Variants in DDX10 observed in about 807,000 individuals in gnomAD.
DDX10 encodes DEAD-box helicase 10, also known as probable ATP-dependent RNA helicase DDX10.
A neutral mutation model predicts 104.3 loss-of-function variants in DDX10; 74 were observed. That is an observed-to-expected ratio of 0.71 (90% CI 0.59 to 0.86). DDX10 has a LOEUF of 0.86. DDX10 is among the 40% of genes least tolerant of loss of function. The pLI is 0.00. For missense variants in DDX10, 952 were observed against 1,040.0 expected, an observed-to-expected ratio of 0.92 and a Z score of 1.16; for synonymous variants, 351 against 353.4, an observed-to-expected ratio of 0.99 and a Z score of 0.08.
rs1170127997 is a variant in DDX10 at position 108,723,017 on chromosome 11, C to T, written c.1520C>T (p.Ala507Val). Reference protein sequence around the residue: ...EYALSLGLAVAPRVRFLQKMQ... With the variant: ...EYALSLGLAVVPRVRFLQKMQ... Reference sequence around the variant, plus strand: ...TTAAGGTCTCTTGGTCTTGCTGTGGCACCACGCGTAAGATTTCTTCAGAAA... The same window carrying T: ...TTAAGGTCTCTTGGTCTTGCTGTGGTACCACGCGTAAGATTTCTTCAGAAA... Residue 507 changes from alanine (A) to valine (V), a missense_variant, in exon 13 of 18, where the codon GCA (alanine) becomes GTA (valine). Coordinates refer to ENST00000322536, the MANE Select transcript of DDX10 (RefSeq NM_004398.4). 3.1e-6 allele frequency: 5 copies of T among 1,609,014 alleles called. No homozygotes were observed. Among genetic ancestry groups the T allele is most frequent in the Non-Finnish European group, 4.2e-6 (5 of 1,178,234 alleles).
intron 16 of DDX10, among the ~76,000 whole-genome samples, chr11:108,862,720 C>T (rs2134615923): frequency 6.6e-6 from 1 of 152,290 alleles, no homozygotes; most frequent in Middle Eastern, 3.4e-3. Flanking sequence ...TTAACCTCCT[C>T]CCCACCCCAG....
At chr11:108,780,652 A>G (rs2094376959) in intron 13 of DDX10, among the ~76,000 whole-genome samples, 1 of 152,192 alleles carries the variant, frequency 6.6e-6, no homozygotes, top group Non-Finnish European at 1.5e-5. Flanking sequence ...TTTTATAACA[A>G]CACATTGAAA....
chr11:108,937,055 A>T (rs1284408557), intron 17 of DDX10, among the ~76,000 whole-genome samples: 1 of 152,246 alleles, frequency 6.6e-6, no homozygotes, highest in Non-Finnish European at 1.5e-5. Context: ...CTCACTTTTA[A>T]TAGGCAGATT....
chr11:108,925,635 T>G lies in DDX10; in HGVS notation c.2450+7617T>G, dbSNP rs549173513. 3.9e-5 allele frequency among the ~76,000 whole-genome samples: 6 copies of G among 152,352 alleles called. No homozygotes were observed. In the East Asian group the frequency reaches 1.2e-3, roughly 29 times the overall value. ...AACTTTCTATCACTTGGTTACACCA[T>G]AAGTTCCTTGTCTACCTCCCTTTTA... On this transcript the variant is annotated intron_variant, in intron 17 of 17. Transcript: ENST00000322536.
chr11:108,797,136 C>T (rs1229427627), intron 13 of DDX10, among the ~76,000 whole-genome samples: 2 of 152,158 alleles, frequency 1.3e-5, no homozygotes, highest in South Asian at 2.1e-4. Flanking sequence ...TGGGTTGAAG[C>T]AATTCTCCTG....
intron 16 of DDX10, among the ~76,000 whole-genome samples, chr11:108,871,915 C>T (rs1479612753): frequency 4.3e-5 from 5 of 117,632 alleles, no homozygotes; most frequent in African/African-American, 6.1e-5. Context: ...GCCACAAGAG[C>T]GAAATTCTGC....
intron 16 of DDX10, among the ~76,000 whole-genome samples, chr11:108,890,568 TAA>T (rs558893673): frequency 1.9e-4 from 26 of 137,426 alleles, no homozygotes; most frequent in Admixed American, 2.9e-4. Context: ...AAATGCCACT[TAA>T]AAAAAAAAAA....
intron 9 of DDX10, among the ~76,000 whole-genome samples, chr11:108,695,102 A>T (rs1024762855): frequency 3.3e-5 from 5 of 152,158 alleles, no homozygotes; most frequent in Non-Finnish European, 7.3e-5. Flanking sequence ...ACAACCTTAC[A>T]GTTCTTGTTT....
chr11:108,911,551 CTCT>C (rs1197713946), intron 16 of DDX10, among the ~76,000 whole-genome samples: 5 of 117,734 alleles, frequency 4.2e-5, no homozygotes, highest in African/African-American at 1.2e-4. Context: ...GCTTTGCCTC[CTCT>C]TCTTTTTTTT....
chr11:108,765,142 T>A (rs1450206980), intron 13 of DDX10, among the ~76,000 whole-genome samples: 1 of 152,154 alleles, frequency 6.6e-6, no homozygotes, highest in Admixed American at 6.5e-5. Flanking sequence ...GTAACATTAT[T>A]TTGCCAATTC....
intron 13 of DDX10, among the ~76,000 whole-genome samples, chr11:108,755,986 C>T (rs1216775715): frequency 6.6e-6 from 1 of 151,448 alleles, no homozygotes; most frequent in African/African-American, 2.4e-5. Flanking sequence ...TCCCTCTTTC[C>T]CTCTTTCCCT....
intron 13 of DDX10, among the ~76,000 whole-genome samples, chr11:108,806,046 A>G (rs1388002400): frequency 3.3e-5 from 5 of 151,874 alleles, no homozygotes; most frequent in African/African-American, 9.7e-5. Flanking sequence ...ACTGCAACCT[A>G]CGCCTCCTGG....
chr11:108,836,318 T>C (rs1460268668), intron 13 of DDX10, among the ~76,000 whole-genome samples: 2 of 152,234 alleles, frequency 1.3e-5, no homozygotes, highest in African/African-American at 4.8e-5. Flanking sequence ...AATACCCACA[T>C]AGTACAACCA....
At chr11:108,810,062 T>C (rs1862156904) in intron 13 of DDX10, among the ~76,000 whole-genome samples, 1 of 152,220 alleles carries the variant, frequency 6.6e-6, no homozygotes, top group Admixed American at 6.5e-5. Flanking sequence ...TTGAGTGTTC[T>C]TCATGTGGAA....
chr11:108,741,009 A>G (rs368309557), intron 13 of DDX10, among the ~76,000 whole-genome samples: 4 of 152,248 alleles, frequency 2.6e-5, no homozygotes, highest in Admixed American at 1.3e-4. Flanking sequence ...GTCCAGTTCA[A>G]TCTTTTGCAT....
At chr11:108,721,702 T>G (rs1289179904) in intron 12 of DDX10, among the ~76,000 whole-genome samples, 1 of 152,226 alleles carries the variant, frequency 6.6e-6, no homozygotes, top group Non-Finnish European at 1.5e-5. Context: ...TAGAAGCCTT[T>G]GATACCTAAA....
intron 17 of DDX10, among the ~76,000 whole-genome samples, chr11:108,931,670 C>T (rs1355572520): frequency 6.6e-6 from 1 of 152,144 alleles, no homozygotes; most frequent in Non-Finnish European, 1.5e-5. Flanking sequence ...CTGAGTTAAA[C>T]TTGATAGAGA....
At chr11:108,880,284 T>G (rs1472790810) in intron 16 of DDX10, among the ~76,000 whole-genome samples, 1 of 152,140 alleles carries the variant, frequency 6.6e-6, no homozygotes, top group African/African-American at 2.4e-5. Context: ...TTCTTCTAAG[T>G]GTACTAAACC....
chr11:108,873,644 T>C (rs1430437543), intron 16 of DDX10, among the ~76,000 whole-genome samples: 1 of 152,190 alleles, frequency 6.6e-6, no homozygotes, highest in East Asian at 1.9e-4. Context: ...GAATCTCAAA[T>C]TTCTTTCATA....
Sources: gnomAD v4.1 joint callset for allele counts (sites outside exome capture counted in the v4.1 genomes callset) on GRCh38, gnomAD v4.1.1 for gene constraint, MANE v1.5 for transcripts, NCBI Gene and HGNC (gene_info 2026-07-23, HGNC 2026-07-21) for gene names.